SLC25A32: variants seen among roughly 807,000 people sequenced by gnomAD.
SLC25A32 encodes the protein Glycine auxotroph B, complementation of hamster.
Under a neutral mutation model 39.0 loss-of-function variants are expected in SLC25A32, and 32 were observed. That is an observed-to-expected ratio of 0.82 (90% CI 0.62 to 1.10). The LOEUF (loss-of-function observed/expected upper bound fraction) is 1.10, where lower values mean the gene tolerates loss of function less well. Among genes scored for constraint, SLC25A32 ranks in the 50% least tolerant of loss-of-function variants. The pLI is 0.00. For missense variants in SLC25A32, 367 were observed against 395.3 expected (o/e 0.93, Z 0.61); for synonymous variants, 166 against 152.4 (o/e 1.09, Z -0.66).
chr8:103,414,370 A>C (rs1226787734), intron 1 of SLC25A32, among the ~76,000 whole-genome samples: 1 of 152,232 alleles, frequency 6.6e-6, no homozygotes, highest in Non-Finnish European at 1.5e-5. Context: ...CATTCGCTGA[A>C]GATTACGCCC....
chr8:103,401,665 A>T lies in SLC25A32; in HGVS notation c.667-4T>A, dbSNP rs752016774. 9 of 1,578,110 alleles carry T rather than the reference A, an allele frequency of 5.7e-6. No individual in the cohort carries two copies. In the South Asian group the frequency reaches 9.5e-5, roughly 17 times the overall value. On this transcript the variant is annotated splice_polypyrimidine_tract_variant and splice_region_variant and intron_variant, in intron 5 of 6. Coordinates refer to ENST00000297578, the MANE Select transcript of SLC25A32 (RefSeq NM_030780.5). ...CAGATATATATTCTACTGTGCTCTA[A>T]AATGGCAATACAAAACAGTTTTTTC...
intron 2 of SLC25A32, among the ~76,000 whole-genome samples, chr8:103,405,409 G>A (rs976535945): frequency 2.6e-5 from 4 of 152,288 alleles, no homozygotes; most frequent in South Asian, 2.1e-4. Flanking sequence ...TGTGTAGGAG[G>A]TAGTATTGAG....
rs550980322 is a variant in SLC25A32, at chr8:103,402,061, G to A, written c.553-7C>T. On this transcript the variant is annotated splice_polypyrimidine_tract_variant and splice_region_variant and intron_variant, in intron 4 of 6. Transcript: ENST00000297578. ...ACAGCCCAGGAACAAATCCCTACAA[G>A]GGAATGATTTTTAAAAAGCAAAACA... 1.1e-3 allele frequency: 1,789 copies of A among 1,580,114 alleles called. 57 individuals are homozygous for A. The South Asian group carries it at 0.02, about 18-fold the overall frequency.
At chr8:103,412,390 C>CATGA (rs1171394873) in intron 1 of SLC25A32, among the ~76,000 whole-genome samples, 1 of 152,206 alleles carries the variant, frequency 6.6e-6, no homozygotes, top group Non-Finnish European at 1.5e-5. Context: ...TGTTGGGGCT[C>CATGA]TCTCATCATT....
Position 103,400,217 on chromosome 8 carries a change from A to T in SLC25A32, c.*194T>A. On this transcript the variant is annotated 3_prime_UTR_variant, in exon 7 of 7. Transcript: ENST00000297578. ...CAGCCATTTCAGGCAGAGGTAGCCA[A>T]GTTCCATATATATGGGGAAGGCAAA... is the stretch of plus-strand genomic sequence containing the variant. 1 of 579,298 alleles carries T rather than the reference A, an allele frequency of 1.7e-6. No individual in the cohort carries two copies. Among genetic ancestry groups the T allele is most frequent in the Non-Finnish European group, 2.9e-6 (1 of 344,912 alleles). 35.9% of individuals were successfully genotyped at this position (579,298 alleles called of 1,614,324 possible). A position where few individuals can be genotyped will look rare whatever the true frequency, so the allele number is the denominator to read the frequency against.
Position 103,415,094 on chromosome 8 carries a change from G to A in SLC25A32, c.-157C>T, listed in dbSNP as rs1422739912. ...TGCCCAAGGCGCGTGAGCGAAGCCG[G>A]AGACTCTAGTACTGAGGGGGCAAGA... On this transcript the variant is annotated 5_prime_UTR_variant, in exon 1 of 7. Transcript: ENST00000297578. The A allele has an allele frequency of 2.5e-6, 4 of 1,610,654 alleles. No individual in the cohort carries two copies. The highest frequency in any genetic ancestry group is 3.4e-6 in the Non-Finnish European group (4 of 1,178,854).
Position 103,402,143 on chromosome 8 carries a change from C to T in SLC25A32, c.553-89G>A, listed in dbSNP as rs942781961. 1.6e-5 allele frequency: 13 copies of T among 802,054 alleles called. 1 individual carries two copies. Among genetic ancestry groups the T allele is most frequent in the Admixed American group, 6.6e-5 (2 of 30,330 alleles). The allele number at this position is 802,054 out of a possible 1,614,324, so 49.7% of individuals were successfully genotyped here. A position where few individuals can be genotyped will look rare whatever the true frequency, so the allele number is the denominator to read the frequency against. On this transcript the variant is annotated intron_variant, in intron 4 of 6. Transcript: ENST00000297578. ...AAATACTTTCTCTTCTCTCTCATTA[C>T]AGCACTTTAAGCAAATTCATTTAAT...
chr8:103,411,484 T>A (rs541875598), intron 1 of SLC25A32, among the ~76,000 whole-genome samples: 1 of 152,110 alleles, frequency 6.6e-6, no homozygotes, highest in Non-Finnish European at 1.5e-5. Flanking sequence ...TACCAATTAC[T>A]GCAAGCGCTC....
chr8:103,405,532 G>A (rs1816311031), intron 2 of SLC25A32, among the ~76,000 whole-genome samples: 1 of 152,140 alleles, frequency 6.6e-6, no homozygotes, highest in Admixed American at 6.5e-5. Context: ...GGTAGATTGA[G>A]ATTTGCATTT....
intron 1 of SLC25A32, 79 bp from the exon 2 acceptor site, chr8:103,407,863 T>C (rs558885230): frequency 1.4e-4 from 170 of 1,209,500 alleles, no homozygotes; most frequent in East Asian, 6.4e-4. Flanking sequence ...CACTGTACAA[T>C]TGGTTATATA....
Position 103,401,935 on chromosome 8 carries a change from T to C in SLC25A32, c.666+6A>G, listed in dbSNP as rs761382803. 4.4e-6 allele frequency: 7 copies of C among 1,595,770 alleles called. No individual in the cohort carries two copies. The highest frequency in any genetic ancestry group is 6.0e-6 in the Non-Finnish European group (7 of 1,169,210). On this transcript the variant is annotated splice_donor_region_variant and intron_variant, in intron 5 of 6. Transcript: ENST00000297578. ...AATGATATCATTTTTACAAGAATAA[T>C]CTTACCAACTGGGCTTCTGGTAATC...
rs1816561493 is a variant in SLC25A32 at position 103,414,878 on chromosome 8, G to A, written c.60C>T (p.His20=). The A allele has an allele frequency of 6.2e-7, 1 of 1,613,282 alleles. No homozygotes were observed. The highest frequency in any genetic ancestry group is 8.5e-7 in the Non-Finnish European group (1 of 1,179,862). Residue 20 remains histidine, a synonymous_variant, in exon 1 of 7, where the codon CAC becomes CAT. Coordinates refer to ENST00000297578, the MANE Select transcript of SLC25A32 (RefSeq NM_030780.5). ...GSSAWSTVFR[H]VRYENLIAGV... ...CCGCTATCAGGTTCTCATACCGGAC[G>A]TGGCGGAATACCGTGCTCCACGCCG...
chr8:103,402,228 T>TC, intron 4 of SLC25A32, 174 bp from the exon 5 acceptor site: 1 of 491,296 alleles, frequency 2.0e-6, no homozygotes, highest in Non-Finnish European at 3.6e-6. Flanking sequence ...AAGACATGGG[T>TC]AGTATTCTCT....
rs941806000 is a variant in SLC25A32 at position 103,414,788 on chromosome 8, G to A, written c.150C>T (p.Phe50=). Residue 50 remains phenylalanine (F), a synonymous_variant, in exon 1 of 7, where the codon TTC becomes TTT. Transcript: ENST00000297578. ...GGTGTCTGGGCGGGCTCTTACCGGC[G>A]AAGCGGATCTTCACGAGGTCGAGCG... ...LHPLDLVKIR[F]AVSDGLELRP... is the part of the protein sequence containing the mutation. 1 of 1,613,716 alleles carries A rather than the reference G, an allele frequency of 6.2e-7. No individual in the cohort carries two copies. Among genetic ancestry groups the A allele is most frequent in the East Asian group, 2.2e-5 (1 of 44,888 alleles).
chr8:103,407,527 A>C (rs1816358038), intron 2 of SLC25A32, 107 bp downstream of exon 2: 1 of 921,718 alleles, frequency 1.1e-6, no homozygotes, highest in African/African-American at 1.7e-5. Flanking sequence ...AATTCAGAGA[A>C]ACTGATTAAA....
chr8:103,404,911 C>T lies in SLC25A32; in HGVS notation c.306-50G>A, dbSNP rs778228270. The T allele has an allele frequency of 2.2e-6, 3 of 1,348,348 alleles. No individual in the cohort carries two copies. In the African/African-American group the frequency reaches 4.3e-5, roughly 19 times the overall value. The allele number at this position is 1,348,348 out of a possible 1,614,324, so 83.5% of individuals were successfully genotyped here. A position where few individuals can be genotyped will look rare whatever the true frequency, so the allele number is the denominator to read the frequency against. On this transcript the variant is annotated intron_variant, in intron 2 of 6. Transcript: ENST00000297578. ...TTAATTTGAATAGGTGTCATTAAGTCTGTTTTAAAGTGTATGTAAGTCAAC... is the reference window on the plus strand; with the variant it reads ...TTAATTTGAATAGGTGTCATTAAGTTTGTTTTAAAGTGTATGTAAGTCAAC...
At chr8:103,411,783 G>A (rs1816471920) in intron 1 of SLC25A32, among the ~76,000 whole-genome samples, 1 of 152,164 alleles carries the variant, frequency 6.6e-6, no homozygotes, top group Non-Finnish European at 1.5e-5. Context: ...CTAACATCCT[G>A]CCCTACTAAG....
At chr8:103,402,265 G>T in intron 4 of SLC25A32, 1 of 412,792 alleles carries the variant, frequency 2.4e-6, no homozygotes. Context: ...AGGTTTGGAT[G>T]TTCACATATT....
In SLC25A32 at chr8:103,401,677, A is replaced by G. The variant is rs752845114; in HGVS notation, c.667-16T>C. 2.6e-6 allele frequency: 4 copies of G among 1,555,082 alleles called. No homozygotes were observed. Among genetic ancestry groups the G allele is most frequent in the Admixed American group, 2.1e-5 (1 of 48,358 alleles). ...CTACTGTGCTCTAAAATGGCAATAC[A>G]AAACAGTTTTTTCTTTAGACAGGAT... On this transcript the variant is annotated splice_polypyrimidine_tract_variant and intron_variant, in intron 5 of 6. Coordinates refer to ENST00000297578, the MANE Select transcript of SLC25A32 (RefSeq NM_030780.5).
Sources: allele counts gnomAD v4.1 joint callset (sites outside exome capture counted in the v4.1 genomes callset), GRCh38; gene constraint gnomAD v4.1.1; transcripts MANE v1.5; gene names NCBI Gene and HGNC (gene_info 2026-07-23, HGNC 2026-07-21).